The following PDS5B variants were observed in gnomAD, a reference collection of about 807,000 sequenced individuals.
PDS5B encodes the protein PDS5 cohesin associated factor B, also known as sister chromatid cohesion protein PDS5 homolog B.
Under a neutral mutation model 184.1 loss-of-function variants are expected in PDS5B, and 51 were observed. The ratio of observed to expected loss-of-function variants is 0.28; its 90% CI spans 0.22 to 0.35. The LOEUF (loss-of-function observed/expected upper bound fraction) is 0.35. Among genes scored for constraint, PDS5B ranks in the 10% least tolerant of loss-of-function variants. The probability of loss-of-function intolerance (pLI) is 1.00; values close to 1 mark genes in which losing one functional copy is unlikely to be tolerated. For synonymous variants in PDS5B, 566 were observed against 569.2 expected (o/e 0.99, Z 0.08); for missense variants, 1,180 against 1,723.3 (o/e 0.68, Z 5.58).
chr13:32,598,343 G>A (rs1313507293), intron 1 of PDS5B, among the ~76,000 whole-genome samples: 3 of 152,062 alleles, frequency 2.0e-5, no homozygotes, highest in Non-Finnish European at 4.4e-5. Context: ...AAAGTGCTGG[G>A]ATTACAGGCG....
chr13:32,705,156 T>C (rs1951972410), intron 17 of PDS5B, among the ~76,000 whole-genome samples: 1 of 152,190 alleles, frequency 6.6e-6, no homozygotes, highest in Non-Finnish European at 1.5e-5. Flanking sequence ...TGTTCTCTGA[T>C]GATCTTTTTA....
intron 17 of PDS5B, 35 bp from the exon 18 acceptor site, chr13:32,706,899 C>A: frequency 7.5e-7 from 1 of 1,329,280 alleles, no homozygotes. Flanking sequence ...TTGCTAGTAA[C>A]ATTTGAAAAA....
intron 1 of PDS5B, among the ~76,000 whole-genome samples, chr13:32,608,253 A>G (rs1034649994): frequency 1.8e-4 from 27 of 152,142 alleles, no homozygotes; most frequent in African/African-American, 4.8e-4. Flanking sequence ...AAAGGGCTGA[A>G]TATGTTCACC....
At chr13:32,731,100 G>A (rs1001590366) in intron 19 of PDS5B, among the ~76,000 whole-genome samples, 4 of 151,950 alleles carry the variant, frequency 2.6e-5, no homozygotes, top group Admixed American at 6.6e-5. Flanking sequence ...TTTCTGTCTT[G>A]CCTGTTTTTC....
At chr13:32,703,814 A>T (rs1009625078) in intron 17 of PDS5B, among the ~76,000 whole-genome samples, 9 of 152,274 alleles carry the variant, frequency 5.9e-5, no homozygotes, top group South Asian at 2.1e-4. Context: ...TTTAAAAAAA[A>T]TTTTTGTGTT....
chr13:32,597,140 C>T (rs2057888535), intron 1 of PDS5B, among the ~76,000 whole-genome samples: 1 of 151,950 alleles, frequency 6.6e-6, no homozygotes. Flanking sequence ...CTCAAGCCAC[C>T]CTCCTATCTC....
At chr13:32,607,048 T>C (rs922993327) in intron 1 of PDS5B, among the ~76,000 whole-genome samples, 22 of 152,262 alleles carry the variant, frequency 1.4e-4, no homozygotes, top group African/African-American at 5.1e-4. Flanking sequence ...TCTAAAGCCT[T>C]CTTCTCTCAA....
chr13:32,770,317 T>C lies in PDS5B; in HGVS notation c.3821T>C (p.Ile1274Thr), dbSNP rs749400858. 7.4e-6 allele frequency: 12 copies of C among 1,613,354 alleles called. No individual in the cohort carries two copies. Among genetic ancestry groups the C allele is most frequent in the Admixed American group, 6.7e-5 (4 of 59,932 alleles). The change falls in exon 32 of 35, where the codon ATA becomes ACA. Residue 1274 changes from isoleucine to threonine, a missense_variant. Physicochemically the swap from Ile to Thr is moderately conservative, Grantham distance 89. Transcript: ENST00000315596. ...GAGGAAAAGAGGCTCAAAGAAGATA[T>C]ATTAGAAAATGAAGATGAACAGAAT... ...WPEEKRLKED[I>T]LENEDEQNSP...
At chr13:32,700,206 A>G (rs1350367954) in intron 16 of PDS5B, among the ~76,000 whole-genome samples, 1 of 151,988 alleles carries the variant, frequency 6.6e-6, no homozygotes, top group Non-Finnish European at 1.5e-5. Context: ...CTACTTTTTG[A>G]TTACTATTAA....
intron 6 of PDS5B, among the ~76,000 whole-genome samples, chr13:32,662,737 AC>A (rs1950683148): frequency 6.6e-6 from 1 of 152,156 alleles, no homozygotes; most frequent in Non-Finnish European, 1.5e-5. Context: ...AACAAATTAT[AC>A]AAGGAAGAAA....
Position 32,642,673 on chromosome 13 carries a change from G to A in PDS5B, c.-19-6081G>A, listed in dbSNP as rs563025646. On this transcript the variant is annotated intron_variant, in intron 1 of 34. Coordinates refer to ENST00000315596, the MANE Select transcript of PDS5B (RefSeq NM_015032.4). ...TCTTTGTTGTCTCTTTATTTTTTCC[G>A]TCTTAGCTCCCTTTACTTCCTTCCA... 9.3e-4 allele frequency among the ~76,000 whole-genome samples: 141 copies of A among 152,072 alleles called. 1 individual carries two copies. The highest frequency in any genetic ancestry group is 1.5e-3 in the Non-Finnish European group (102 of 67,940).
intron 19 of PDS5B, among the ~76,000 whole-genome samples, chr13:32,713,928 T>C (rs999461310): frequency 1.3e-5 from 2 of 152,184 alleles, no homozygotes; most frequent in Non-Finnish European, 2.9e-5. Context: ...TAGGTTCTTT[T>C]CTATTTTTCC....
intron 3 of PDS5B, among the ~76,000 whole-genome samples, chr13:32,657,185 A>G (rs1202100360): frequency 6.6e-6 from 1 of 152,170 alleles, no homozygotes; most frequent in Non-Finnish European, 1.5e-5. Flanking sequence ...AAAGCCTCCC[A>G]CTATTATTGT....
intron 25 of PDS5B, among the ~76,000 whole-genome samples, chr13:32,755,022 C>T (rs946387676): frequency 2.6e-5 from 4 of 152,234 alleles, no homozygotes; most frequent in Admixed American, 1.3e-4. Flanking sequence ...TTTCTTTCCA[C>T]GTCGGCCTTG....
chr13:32,655,775 A>G (rs1396660773), intron 3 of PDS5B, among the ~76,000 whole-genome samples: 1 of 152,040 alleles, frequency 6.6e-6, no homozygotes, highest in Non-Finnish European at 1.5e-5. Context: ...ATTTTCTCCC[A>G]TTCTGTAGGT....
intron 1 of PDS5B, among the ~76,000 whole-genome samples, chr13:32,618,055 C>T (rs929217411): frequency 3.3e-5 from 5 of 152,096 alleles, no homozygotes; most frequent in Non-Finnish European, 5.9e-5. Context: ...GGAAGGAAGG[C>T]GGAAGGGCCA....
chr13:32,777,419 ATCTTAGGGGATTATCTTACG>A lies in PDS5B; in HGVS notation c.*2369_*2388del, dbSNP rs902527513. The A allele has an allele frequency of 7.0e-6, 1 of 142,706 alleles. No homozygotes were observed. Among genetic ancestry groups the A allele is most frequent in the African/African-American group, 2.6e-5 (1 of 38,488 alleles). The allele number at this position is 142,706 out of a possible 1,614,324, so 8.8% of individuals were successfully genotyped here. Reference sequence around the variant, plus strand: ...CAAAGTTTTGATGTCTTGAGTCTCCATCTTAGGGGATTATCTTACGTTTAAGCTTAACATTTCATGTAGTA... The same window carrying A: ...CAAAGTTTTGATGTCTTGAGTCTCCATTTAAGCTTAACATTTCATGTAGTA... On this transcript the variant is annotated 3_prime_UTR_variant, in exon 35 of 35. Transcript: ENST00000315596.
chr13:32,675,786 A>T, intron 8 of PDS5B, 58 bp from the exon 9 acceptor site: 1 of 935,530 alleles, frequency 1.1e-6, no homozygotes, highest in Non-Finnish European at 1.7e-6. Context: ...AAGAATGGGC[A>T]GCCTTATTCT....
At chr13:32,679,793 T>C (rs1951181435) in intron 10 of PDS5B, among the ~76,000 whole-genome samples, 1 of 152,124 alleles carries the variant, frequency 6.6e-6, no homozygotes, top group Admixed American at 6.6e-5. Context: ...CTCTACAGCA[T>C]TGACCTTAGG....
Sources: allele counts gnomAD v4.1 joint callset (sites outside exome capture counted in the v4.1 genomes callset), GRCh38; gene constraint gnomAD v4.1.1; transcripts MANE v1.5; gene names NCBI Gene and HGNC (gene_info 2026-07-23, HGNC 2026-07-21).